The following TEX2 variants were observed in gnomAD, a reference collection of about 807,000 sequenced individuals.
The protein encoded by TEX2 is testis expressed 2, also known as testis-expressed protein 2.
In TEX2, 53 loss-of-function variants were observed where a neutral mutation model predicts 106.9. The observed-to-expected ratio is 0.50, with a 90% CI of 0.40 to 0.62. The LOEUF (loss-of-function observed/expected upper bound fraction) is 0.62, where lower values mean the gene tolerates loss of function less well. Ranked by LOEUF, TEX2 falls within the 20% of genes least tolerant of loss-of-function variation. The probability of loss-of-function intolerance (pLI) is 0.00; values close to 1 mark genes in which losing one functional copy is unlikely to be tolerated. For synonymous variants in TEX2, 523 were observed against 534.8 expected (o/e 0.98, Z 0.30); for missense variants, 1,207 against 1,379.0 (o/e 0.88, Z 1.98).
At chr17:64,184,772 G>A (rs1424872444) in intron 5 of TEX2, among the ~76,000 whole-genome samples, 1 of 152,186 alleles carries the variant, frequency 6.6e-6, no homozygotes, top group Non-Finnish European at 1.5e-5. Flanking sequence ...ATGGTGTGAG[G>A]TAGAGGGCCA....
At chr17:64,178,585 C>A (rs904550913) in intron 5 of TEX2, among the ~76,000 whole-genome samples, 1 of 152,180 alleles carries the variant, frequency 6.6e-6, no homozygotes, top group Non-Finnish European at 1.5e-5. Flanking sequence ...GGGGAGCTGG[C>A]CCCCTGATAT....
chr17:64,203,712 A>C (rs1165644993), intron 2 of TEX2, among the ~76,000 whole-genome samples: 1 of 152,238 alleles, frequency 6.6e-6, no homozygotes, highest in African/African-American at 2.4e-5. Context: ...AACATTCAAA[A>C]TAAATGCTGC....
Position 64,149,016 on chromosome 17 carries a change from A to T in TEX2, c.3337T>A (p.Ser1113Thr). ...MHSAMDPRSTSCLLKDPPVEA... is the reference protein window; with the variant it reads ...MHSAMDPRSTTCLLKDPPVEA... ...ACAGGTGGGTCTTTCAGGAGGCAGG[A>T]AGTAGAGCGAGGGTCCATGGCTGAG... Residue 1113 changes from serine (S) to threonine (T), a missense_variant, in exon 12 of 12, where the codon TCC becomes ACC. This residue lies in a region of TEX2 where 77 missense variants were observed against 73.2 expected (regional missense o/e 1.05). Coordinates refer to ENST00000584379, the MANE Select transcript of TEX2 (RefSeq NM_001288732.2). 6.2e-7 allele frequency: 1 copy of T among 1,614,218 alleles called. No homozygotes were observed. Among genetic ancestry groups the T allele is most frequent in the Non-Finnish European group, 8.5e-7 (1 of 1,180,028 alleles).
At chr17:64,198,671 G>A (rs1446183937) in intron 2 of TEX2, among the ~76,000 whole-genome samples, 1 of 152,152 alleles carries the variant, frequency 6.6e-6, no homozygotes, top group East Asian at 1.9e-4. Flanking sequence ...AAGCTGAGAT[G>A]CTCAGCATTT....
rs1257421142 is a variant in TEX2 at position 64,185,570 on chromosome 17, G to A, written c.2424+2598C>T. Among the ~76,000 whole-genome samples the A allele has an allele frequency of 6.6e-6, 1 of 151,944 alleles. No individual in the cohort carries two copies. Among genetic ancestry groups the A allele is most frequent in the Non-Finnish European group, 1.5e-5 (1 of 68,020 alleles). ...TGATATTTTCTAATTCAAATTTTCAGCACCACTGCACTCCAGTCTGGGCGA... is the reference window on the plus strand; with the variant it reads ...TGATATTTTCTAATTCAAATTTTCAACACCACTGCACTCCAGTCTGGGCGA... On this transcript the variant is annotated intron_variant, in intron 5 of 11. Coordinates refer to ENST00000584379, the MANE Select transcript of TEX2 (RefSeq NM_001288732.2). The surrounding 1 kb of genome is among the most constrained non-coding windows in gnomAD (Gnocchi z 4.0).
intron 1 of TEX2, among the ~76,000 whole-genome samples, chr17:64,238,910 G>A (rs1159484251): frequency 1.3e-5 from 2 of 152,130 alleles, no homozygotes; most frequent in Admixed American, 1.3e-4. Flanking sequence ...AAAGCTCACT[G>A]ATAAGCACCA....
chr17:64,227,565 C>T lies in TEX2; in HGVS notation c.-25-13323G>A, dbSNP rs1218219448. ...TCTTCAGAATATAAAATTGCCCTAG[C>T]CAATCCTCCGTGCCTTACCCACAAG... On this transcript the variant is annotated intron_variant, in intron 1 of 11. Transcript: ENST00000584379. 2.6e-5 allele frequency among the ~76,000 whole-genome samples: 4 copies of T among 152,120 alleles called. No homozygotes were observed. In the South Asian group the frequency reaches 8.3e-4, roughly 32 times the overall value.
At chr17:64,236,163 G>GA (rs782560106) in intron 1 of TEX2, among the ~76,000 whole-genome samples, 7 of 146,438 alleles carry the variant, frequency 4.8e-5, no homozygotes, top group African/African-American at 1.3e-4. Flanking sequence ...AATATTCGGG[G>GA]AAAAAAAAAT....
chr17:64,179,425 A>G (rs1249598100), intron 5 of TEX2, among the ~76,000 whole-genome samples: 1 of 152,250 alleles, frequency 6.6e-6, no homozygotes, highest in Non-Finnish European at 1.5e-5. Context: ...AGCCAGCAGC[A>G]GCGGCAACCT....
rs141393724 is a variant in TEX2, at chr17:64,150,866, T to C, written c.3236A>G (p.Glu1079Gly). Residue 1079 changes from glutamate (E) to glycine (G), a missense_variant, in exon 11 of 12, where the codon GAG becomes GGG. Around this residue, in one of 3 missense-constraint regions of TEX2, gnomAD observed 77 missense variants for 73.2 expected, o/e 1.05. Coordinates refer to ENST00000584379, the MANE Select transcript of TEX2 (RefSeq NM_001288732.2). ...CTGAAACTCTTGCTCCAGTTTCTTCTCTATCCAGTCTGTCACATGAACTAA... is the reference window on the plus strand; with the variant it reads ...CTGAAACTCTTGCTCCAGTTTCTTCCCTATCCAGTCTGTCACATGAACTAA... ...VTLVHVTDWI[E>G]KKLEQEFQKV... The C allele has an allele frequency of 5.6e-6, 9 of 1,613,502 alleles. No homozygotes were observed. Among genetic ancestry groups the C allele is most frequent in the Non-Finnish European group, 7.6e-6 (9 of 1,179,814 alleles).
Position 64,195,120 on chromosome 17 carries a change from T to C in TEX2, c.1645-25A>G. ...CCTGATGAAGAAAAACTTCCATTAG[T>C]AATATCAGAATAATCGCAAATCTGA... On this transcript the variant is annotated intron_variant, in intron 2 of 11. Coordinates refer to ENST00000584379, the MANE Select transcript of TEX2 (RefSeq NM_001288732.2). The surrounding 1 kb of genome is among the most constrained non-coding windows in gnomAD (Gnocchi z 4.1). 6.2e-7 allele frequency: 1 copy of C among 1,606,938 alleles called. No homozygotes were observed. The highest frequency in any genetic ancestry group is 1.1e-5 in the South Asian group (1 of 90,822).
chr17:64,181,279 A>C (rs11649713), intron 5 of TEX2, among the ~76,000 whole-genome samples: 108,031 of 151,712 alleles, frequency 0.71, 38,556 homozygotes, highest in East Asian at 0.83. Context: ...AGATTGAGAC[A>C]ATCTTGGCCA....
At chr17:64,262,010 C>T (rs1555638620) in intron 1 of TEX2, among the ~76,000 whole-genome samples, 1 of 152,184 alleles carries the variant, frequency 6.6e-6, no homozygotes, top group Admixed American at 6.5e-5. Context: ...TATTGTTTTC[C>T]ATATAAAAGT....
chr17:64,149,281 A>C (rs1487590164), intron 11 of TEX2, 190 bp from the exon 12 acceptor site: 10 of 587,684 alleles, frequency 1.7e-5, no homozygotes, highest in Non-Finnish European at 1.7e-5. Context: ...CAGCGCATGG[A>C]TACGAGAATC....
intron 6 of TEX2, among the ~76,000 whole-genome samples, chr17:64,172,637 G>T (rs908011682): frequency 2.6e-5 from 4 of 152,192 alleles, no homozygotes; most frequent in Non-Finnish European, 5.9e-5. Context: ...CCCTGTCCAA[G>T]TTCTCCTTGC....
chr17:64,255,308 T>C (rs1420344862), intron 1 of TEX2, among the ~76,000 whole-genome samples: 1 of 152,234 alleles, frequency 6.6e-6, no homozygotes, highest in Admixed American at 6.5e-5. Context: ...TTCCACTAAA[T>C]GTTCATTTCA....
rs2033120225 is a variant in TEX2 at position 64,214,214 on chromosome 17, T to A, written c.4A>T (p.Thr2Ser). Residue 2 changes from threonine (T) to serine (S), a missense_variant, in exon 2 of 12, where the codon ACA (threonine) becomes TCA (serine). Around this residue, in one of 3 missense-constraint regions of TEX2, gnomAD observed 1,067 missense variants for 1,193.6 expected, o/e 0.89. Transcript: ENST00000584379. The part of the protein sequence containing the change: M[T>S]SLYGRHAEKT... ...TCGGCATGGCGACCATACAGACTTGTCATTGCCGGCTTCACAAGGGCTCAG... is the reference window on the plus strand; with the variant it reads ...TCGGCATGGCGACCATACAGACTTGACATTGCCGGCTTCACAAGGGCTCAG... 6.2e-7 allele frequency: 1 copy of A among 1,610,552 alleles called. No homozygotes were observed. The highest frequency in any genetic ancestry group is 1.3e-5 in the African/African-American group (1 of 75,004).
Position 64,185,731 on chromosome 17 carries a change from T to C in TEX2, c.2424+2437A>G, listed in dbSNP as rs1361195024. On this transcript the variant is annotated intron_variant, in intron 5 of 11. Transcript: ENST00000584379. The surrounding 1 kb of genome is among the most constrained non-coding windows in gnomAD (Gnocchi z 4.0). ...AGAGGTCAGGAGTTCAAGACCAGCC[T>C]GGCCAACATTGTGAAACTCCGTCTC... Among the ~76,000 whole-genome samples, 1 of 152,184 alleles carries C rather than the reference T, an allele frequency of 6.6e-6. No individual in the cohort carries two copies. Among genetic ancestry groups the C allele is most frequent in the Non-Finnish European group, 1.5e-5 (1 of 68,038 alleles).
intron 1 of TEX2, among the ~76,000 whole-genome samples, chr17:64,236,593 C>A (rs921707484): frequency 3.3e-5 from 5 of 152,046 alleles, no homozygotes; most frequent in Admixed American, 6.5e-5. Flanking sequence ...AAGTTATATG[C>A]AAATATAACA....
Sources: allele counts gnomAD v4.1 joint callset (sites outside exome capture counted in the v4.1 genomes callset), GRCh38; gene constraint gnomAD v4.1.1; regional missense constraint gnomAD v4.1.1; non-coding constraint Gnocchi (gnomAD v3.1); transcripts MANE v1.5; gene names NCBI Gene and HGNC (gene_info 2026-07-23, HGNC 2026-07-21).